Variants in MMAB observed in about 807,000 individuals in gnomAD.
MMAB encodes corrinoid adenosyltransferase MMAB.
A neutral mutation model predicts 30.6 loss-of-function variants in MMAB; 17 were observed. The observed-to-expected ratio is 0.56, with a 90% CI of 0.38 to 0.83. The LOEUF (loss-of-function observed/expected upper bound fraction) is 0.83. MMAB is among the 40% of genes least tolerant of loss of function. MMAB has a pLI of 0.00. For synonymous variants in MMAB, 134 were observed against 138.6 expected (o/e 0.97, Z 0.23); for missense variants, 311 against 331.6 (o/e 0.94, Z 0.48).
chr12:109,571,485 C>G (rs1418917452), intron 2 of MMAB, among the ~76,000 whole-genome samples, 164 bp downstream of exon 2: 1 of 152,198 alleles, frequency 6.6e-6, no homozygotes, highest in Non-Finnish European at 1.5e-5. Flanking sequence ...TTCCTGGCCT[C>G]AGATGATTAG....
In MMAB at chr12:109,556,452, C is replaced by T. The variant is rs1233060732; in HGVS notation, c.*576G>A. On this transcript the variant is annotated 3_prime_UTR_variant, in exon 9 of 9. Transcript: ENST00000545712. ...CTGAGCCTCGCCTGTCAATCTGCAG[C>T]TATCCTTCCCCCACACTTTGGCGGT... The T allele has an allele frequency of 2.2e-6, 1 of 454,128 alleles. No individual in the cohort carries two copies. The highest frequency in any genetic ancestry group is 1.6e-5 in the South Asian group (1 of 64,474). The allele number at this position is 454,128 out of a possible 1,614,324, so 28.1% of individuals were successfully genotyped here. A position where few individuals can be genotyped will look rare whatever the true frequency, so the allele number is the denominator to read the frequency against.
intron 3 of MMAB, among the ~76,000 whole-genome samples, chr12:109,565,961 A>C (rs1394811290): frequency 6.6e-6 from 1 of 152,202 alleles, no homozygotes. Context: ...GGCGCGCTGC[A>C]GGGATTCCTG....
intron 1 of MMAB, among the ~76,000 whole-genome samples, chr12:109,571,993 TC>T (rs1230940241): frequency 6.6e-6 from 1 of 152,324 alleles, no homozygotes; most frequent in East Asian, 1.9e-4. Flanking sequence ...ACTTGATTGA[TC>T]CTTTGCCATT....
chr12:109,567,437 C>G (rs1038653773), intron 3 of MMAB, among the ~76,000 whole-genome samples: 5 of 152,166 alleles, frequency 3.3e-5, no homozygotes, highest in Non-Finnish European at 7.4e-5. Context: ...AACCCCAGGG[C>G]CCCGGGGTCA....
At chr12:109,559,303 A>G in intron 7 of MMAB, 148 bp from the exon 8 acceptor site, 8 of 710,512 alleles carry the variant, frequency 1.1e-5, no homozygotes, top group Non-Finnish European at 1.3e-5. Flanking sequence ...TGACAAATCC[A>G]TCACAGGTGG....
chr12:109,561,151 C>T lies in MMAB; in HGVS notation c.520-47G>A. On this transcript the variant is annotated intron_variant, in intron 6 of 8. Transcript: ENST00000545712. This position sits in a 1 kb window ranked among gnomAD's most constrained non-coding sequence, Gnocchi z 5.3. ...GCCTGAGCAGGGTGGGAAAGGTGTG[C>T]CCACTGCGGACAGGAGCTCCTCTGA... is the stretch of plus-strand genomic sequence containing the variant. 2.5e-6 allele frequency: 4 copies of T among 1,601,840 alleles called. No individual in the cohort carries two copies. Among genetic ancestry groups the T allele is most frequent in the Non-Finnish European group, 3.4e-6 (4 of 1,177,886 alleles).
chr12:109,556,762 T>A lies in MMAB; in HGVS notation c.*266A>T, dbSNP rs1239031999. ...TTCTCATTGCAGCAATCACTTTACC[T>A]GTCTTTCCTGCAATGCCAATTCATT... On this transcript the variant is annotated 3_prime_UTR_variant, in exon 9 of 9. Transcript: ENST00000545712. 1.7e-6 allele frequency: 1 copy of A among 587,236 alleles called. No individual in the cohort carries two copies. The highest frequency in any genetic ancestry group is 2.1e-5 in the Admixed American group (1 of 46,524). The allele number at this position is 587,236 out of a possible 1,614,324, so 36.4% of individuals were successfully genotyped here. A position where few individuals can be genotyped will look rare whatever the true frequency, so the allele number is the denominator to read the frequency against.
rs766802593 is a variant in MMAB at position 109,553,760 on chromosome 12, CAATT to C, written c.*3264_*3267del. The C allele has an allele frequency of 4.5e-5, 19 of 423,546 alleles. No homozygotes were observed. The highest frequency in any genetic ancestry group is 3.0e-4 in the South Asian group (18 of 60,218). 26.2% of individuals were successfully genotyped at this position (423,546 alleles called of 1,614,324 possible). Reference sequence around the variant, plus strand: ...AATTTATTATACAAAGAATTTTATTCAATTAAACTTGAAATGCATCTGGATTCTT... The same window carrying C: ...AATTTATTATACAAAGAATTTTATTCAAACTTGAAATGCATCTGGATTCTT... On this transcript the variant is annotated 3_prime_UTR_variant, in exon 9 of 9. Transcript: ENST00000545712.
Position 109,554,306 on chromosome 12 carries a change from A to T in MMAB, c.*2722T>A, listed in dbSNP as rs968095019. On this transcript the variant is annotated 3_prime_UTR_variant, in exon 9 of 9. Coordinates refer to ENST00000545712, the MANE Select transcript of MMAB (RefSeq NM_052845.4). ...CACAGTGCGGGCTGGTGTCACTGTG[A>T]CTGTGGGCTTCTCTCTGACACAAGA... is the stretch of plus-strand genomic sequence containing the variant. 24 of 454,082 alleles carry T rather than the reference A, an allele frequency of 5.3e-5. No homozygotes were observed. The highest frequency in any genetic ancestry group is 1.0e-4 in the Non-Finnish European group (23 of 226,778). The allele number at this position is 454,082 out of a possible 1,614,324, so 28.1% of individuals were successfully genotyped here.
chr12:109,555,288 T>TTTGTTTGTTTG lies in MMAB; in HGVS notation c.*1739_*1740insCAAACAAACAA, dbSNP rs1883930781. On this transcript the variant is annotated 3_prime_UTR_variant, in exon 9 of 9. Transcript: ENST00000545712. ...TGCGTTTTCAGGGTTTTTTTTTTTT[T>TTTGTTTGTTTG]TTTTTTTTTTTTGTGACGGAGTCTC... 4.3e-5 allele frequency: 16 copies of TTTGTTTGTTTG among 375,884 alleles called. 1 individual carries two copies. Among genetic ancestry groups the TTTGTTTGTTTG allele is most frequent in the African/African-American group, 4.0e-4 (10 of 25,022 alleles). The allele number at this position is 375,884 out of a possible 1,614,324, so 23.3% of individuals were successfully genotyped here.
chr12:109,554,226 T>G lies in MMAB; in HGVS notation c.*2802A>C, dbSNP rs181080142. ...TTCCAGGGCTGCTATGGGGTTCAAATGAGATAATGTCTGTGGAACACTTGG... is the reference window on the plus strand; with the variant it reads ...TTCCAGGGCTGCTATGGGGTTCAAAGGAGATAATGTCTGTGGAACACTTGG... On this transcript the variant is annotated 3_prime_UTR_variant, in exon 9 of 9. Transcript: ENST00000545712. 7.7e-5 allele frequency: 35 copies of G among 453,910 alleles called. No individual in the cohort carries two copies. The highest frequency in any genetic ancestry group is 6.1e-4 in the Admixed American group (26 of 42,554). The allele number at this position is 453,910 out of a possible 1,614,324, so 28.1% of individuals were successfully genotyped here. A position where few individuals can be genotyped will look rare whatever the true frequency, so the allele number is the denominator to read the frequency against.
rs1239169490 is a variant in MMAB, at chr12:109,555,570, T to G, written c.*1458A>C. 2.2e-6 allele frequency: 1 copy of G among 450,208 alleles called. No individual in the cohort carries two copies. Among genetic ancestry groups the G allele is most frequent in the Non-Finnish European group, 4.4e-6 (1 of 225,136 alleles). 27.9% of individuals were successfully genotyped at this position (450,208 alleles called of 1,614,324 possible). A position where few individuals can be genotyped will look rare whatever the true frequency, so the allele number is the denominator to read the frequency against. On this transcript the variant is annotated 3_prime_UTR_variant, in exon 9 of 9. Transcript: ENST00000545712. ...CGGCCTCCCAAAGTCCGTTTTCAGC[T>G]CTGTTTTGCAAACACTGAGCACCGA...
chr12:109,573,152 C>T, intron 1 of MMAB, 195 bp downstream of exon 1: 2 of 683,420 alleles, frequency 2.9e-6, no homozygotes, highest in East Asian at 2.7e-5. Context: ...GATAGCGGGA[C>T]TTCATTGGGA....
chr12:109,570,067 G>C, intron 2 of MMAB: 1 of 306,378 alleles, frequency 3.3e-6, no homozygotes. Flanking sequence ...TTCGAGACTA[G>C]CCTGGCCAAC....
rs1566127495 is a variant in MMAB, at chr12:109,554,315, TTCTC to T, written c.*2709_*2712del. 4.4e-6 allele frequency: 2 copies of T among 454,072 alleles called. No individual in the cohort carries two copies. Among genetic ancestry groups the T allele is most frequent in the Non-Finnish European group, 8.8e-6 (2 of 226,776 alleles). The allele number at this position is 454,072 out of a possible 1,614,324, so 28.1% of individuals were successfully genotyped here. A position where few individuals can be genotyped will look rare whatever the true frequency, so the allele number is the denominator to read the frequency against. On this transcript the variant is annotated 3_prime_UTR_variant, in exon 9 of 9. Transcript: ENST00000545712. ...GGCTGGTGTCACTGTGACTGTGGGCTTCTCTCTGACACAAGAGCCAACTGCCAGC... is the reference window on the plus strand; with the variant it reads ...GGCTGGTGTCACTGTGACTGTGGGCTTCTGACACAAGAGCCAACTGCCAGC...
chr12:109,573,504 T>C lies in MMAB; in HGVS notation c.-24A>G. 2.5e-6 allele frequency: 4 copies of C among 1,586,808 alleles called. No individual in the cohort carries two copies. The highest frequency in any genetic ancestry group is 3.4e-6 in the Non-Finnish European group (4 of 1,172,168). On this transcript the variant is annotated 5_prime_UTR_variant, in exon 1 of 9. Transcript: ENST00000545712. ...ATGAGCCAGGCTGCTTGACGGGACC[T>C]GACCCCGCCAGGTTCCCGTCCAGTC...
At chr12:109,562,236 G>A (rs2136200430) in intron 4 of MMAB, among the ~76,000 whole-genome samples, 1 of 152,330 alleles carries the variant, frequency 6.6e-6, no homozygotes, top group Non-Finnish European at 1.5e-5. Context: ...CGCCATGACT[G>A]TAGGTTTCCT....
rs557920029 is a variant in MMAB, at chr12:109,561,499, G to T, written c.440C>A (p.Ala147Glu). The T allele has an allele frequency of 1.3e-6, 2 of 1,549,502 alleles. No individual in the cohort carries two copies. Among genetic ancestry groups the T allele is most frequent in the Non-Finnish European group, 1.7e-6 (2 of 1,146,944 alleles). Residue 147 changes from alanine (A) to glutamate (E), a missense_variant, in exon 6 of 9, where the codon GCG becomes GAG. Transcript: ENST00000545712. The surrounding 1 kb of genome is among the most constrained non-coding windows in gnomAD (Gnocchi z 5.3). ...EAHLKYTTFK[A>E]GPILELEQWI... is the part of the protein sequence containing the mutation. ...CTGCTCCAGCTCCAGGATGGGCCCC[G>T]CCTTGAACGTGGTATACTCTGAGGA...
Position 109,556,282 on chromosome 12 carries a change from C to T in MMAB, c.*746G>A, listed in dbSNP as rs1019512511. ...TTTTCTCAAGCTGAAGATGCTGCAC[C>T]GCAGACCCTTGACTCAGTCCAACCA... On this transcript the variant is annotated 3_prime_UTR_variant, in exon 9 of 9. Transcript: ENST00000545712. 1.8e-5 allele frequency: 8 copies of T among 453,886 alleles called. No homozygotes were observed. Among genetic ancestry groups the T allele is most frequent in the Middle Eastern group, 6.8e-4 (1 of 1,466 alleles). 28.1% of individuals were successfully genotyped at this position (453,886 alleles called of 1,614,324 possible). A position where few individuals can be genotyped will look rare whatever the true frequency, so the allele number is the denominator to read the frequency against.
Sources: allele counts gnomAD v4.1 joint callset (sites outside exome capture counted in the v4.1 genomes callset), GRCh38; gene constraint gnomAD v4.1.1; non-coding constraint Gnocchi (gnomAD v3.1); transcripts MANE v1.5; gene names NCBI Gene and HGNC (gene_info 2026-07-23, HGNC 2026-07-21).